The following GALNT1 variants were observed in gnomAD, a reference collection of about 807,000 sequenced individuals.
GALNT1 encodes GalNAc transferase 1.
In GALNT1, 17 loss-of-function variants were observed where a neutral mutation model predicts 65.7. That is an observed-to-expected ratio of 0.26 (90% CI 0.18 to 0.39). The LOEUF (loss-of-function observed/expected upper bound fraction) is 0.39. GALNT1 is among the 10% of genes least tolerant of loss of function. GALNT1 has a pLI of 1.00. For missense variants in GALNT1, 460 were observed against 672.8 expected, an observed-to-expected ratio of 0.68 and a Z score of 3.50; for synonymous variants, 210 against 219.7, an observed-to-expected ratio of 0.96 and a Z score of 0.39.
chr18:35,583,559 A>G (rs199515424), intron 1 of GALNT1, among the ~76,000 whole-genome samples: 3 of 152,192 alleles, frequency 2.0e-5, no homozygotes, highest in African/African-American at 7.2e-5. Flanking sequence ...CTGGTAAGCA[A>G]TAAGCACTTG....
At chr18:35,643,297 G>A (rs902466191) in intron 1 of GALNT1, among the ~76,000 whole-genome samples, 1 of 152,086 alleles carries the variant, frequency 6.6e-6, no homozygotes, top group East Asian at 1.9e-4. Flanking sequence ...GGTGGGAAGA[G>A]GGGTTAGAAA....
intron 2 of GALNT1, among the ~76,000 whole-genome samples, chr18:35,658,485 T>G (rs1378664620): frequency 6.6e-6 from 1 of 152,112 alleles, no homozygotes; most frequent in African/African-American, 2.4e-5. Flanking sequence ...AGCAACAGTT[T>G]GAAAAATCTG....
intron 1 of GALNT1, among the ~76,000 whole-genome samples, chr18:35,591,222 G>A (rs1016116520): frequency 6.6e-6 from 1 of 152,184 alleles, no homozygotes; most frequent in African/African-American, 2.4e-5. Flanking sequence ...TGTGGCAGGA[G>A]CTTTTCACTG....
rs1461013463 is a variant in GALNT1 at position 35,677,646 on chromosome 18, T to C, written c.370T>C (p.Phe124Leu). ...NLPTTSVVIV[F>L]HNEAWSTLLR... The stretch of plus-strand genomic sequence containing the variant: ...TCCTACAACAAGTGTGGTGATTGTT[T>C]TCCACAATGAGGCTTGGAGCACACT... Residue 124 changes from phenylalanine (F) to leucine (L), a missense_variant, in exon 4 of 12, where the codon TTC becomes CTC. Coordinates refer to ENST00000269195, the MANE Select transcript of GALNT1 (RefSeq NM_020474.4). 1.2e-6 allele frequency: 2 copies of C among 1,613,272 alleles called. No homozygotes were observed. The highest frequency in any genetic ancestry group is 1.7e-6 in the Non-Finnish European group (2 of 1,179,368).
intron 1 of GALNT1, among the ~76,000 whole-genome samples, chr18:35,584,157 C>T (rs2046354383): frequency 6.6e-6 from 1 of 152,186 alleles, no homozygotes; most frequent in Non-Finnish European, 1.5e-5. Flanking sequence ...TTGAGGAATA[C>T]TGTCCTGGCT....
chr18:35,613,156 C>T (rs915667552), intron 1 of GALNT1, among the ~76,000 whole-genome samples: 2 of 152,122 alleles, frequency 1.3e-5, no homozygotes, highest in African/African-American at 4.8e-5. Flanking sequence ...TCCTACTCTG[C>T]TCCTACAGAA....
chr18:35,593,772 G>C (rs1307800309), intron 1 of GALNT1, among the ~76,000 whole-genome samples: 1 of 151,930 alleles, frequency 6.6e-6, no homozygotes, highest in Non-Finnish European at 1.5e-5. Flanking sequence ...ACAGTGGCGC[G>C]ATCTGGGCTC....
At chr18:35,694,566 A>G (rs76501748) in intron 9 of GALNT1, among the ~76,000 whole-genome samples, 2,588 of 152,352 alleles carry the variant, frequency 0.017, 40 homozygotes, top group African/African-American at 0.032. Context: ...TTATCCAGCA[A>G]TTCCACCTCA....
chr18:35,638,247 C>T (rs989109581), intron 1 of GALNT1, among the ~76,000 whole-genome samples: 4 of 152,126 alleles, frequency 2.6e-5, no homozygotes, highest in African/African-American at 7.2e-5. Flanking sequence ...CCCGACCAAG[C>T]GATGGATGAA....
At chr18:35,648,540 C>T (rs2047267186) in intron 1 of GALNT1, among the ~76,000 whole-genome samples, 1 of 152,142 alleles carries the variant, frequency 6.6e-6, no homozygotes, top group South Asian at 2.1e-4. Flanking sequence ...AATTTTATAA[C>T]TTTAAAAATA....
chr18:35,622,360 T>C (rs2046864042), intron 1 of GALNT1, among the ~76,000 whole-genome samples: 1 of 152,164 alleles, frequency 6.6e-6, no homozygotes, highest in East Asian at 1.9e-4. Flanking sequence ...CAAGCAATTT[T>C]CTCACCTCAA....
intron 1 of GALNT1, among the ~76,000 whole-genome samples, chr18:35,582,634 T>C (rs2046336321): frequency 6.6e-6 from 1 of 152,224 alleles, no homozygotes; most frequent in Non-Finnish European, 1.5e-5. Context: ...CTTTCTGAAC[T>C]GTTTCTGGAG....
chr18:35,689,640 C>CA (rs1486317521), intron 7 of GALNT1, among the ~76,000 whole-genome samples: 1 of 140,676 alleles, frequency 7.1e-6, no homozygotes, highest in South Asian at 2.1e-4. Flanking sequence ...CACATTTAAA[C>CA]ATAAATTTCA....
intron 1 of GALNT1, among the ~76,000 whole-genome samples, chr18:35,637,765 G>A (rs779874659): frequency 1.3e-5 from 2 of 152,118 alleles, no homozygotes; most frequent in African/African-American, 4.8e-5. Context: ...ACTTTCATAG[G>A]TAGAGAGAAG....
intron 1 of GALNT1, among the ~76,000 whole-genome samples, chr18:35,636,055 G>C (rs373286350): frequency 6.6e-6 from 1 of 151,972 alleles, no homozygotes; most frequent in East Asian, 1.9e-4. Context: ...ATCAATCTTT[G>C]CCGCTTTATT....
chr18:35,616,516 G>T (rs1330040014), intron 1 of GALNT1, among the ~76,000 whole-genome samples: 1 of 151,908 alleles, frequency 6.6e-6, no homozygotes, highest in Admixed American at 6.6e-5. Context: ...GACACTGGGT[G>T]TTTTTTTTAT....
intron 1 of GALNT1, among the ~76,000 whole-genome samples, chr18:35,627,698 A>G (rs1469973490): frequency 6.6e-6 from 1 of 152,158 alleles, no homozygotes; most frequent in Non-Finnish European, 1.5e-5. Context: ...TACCGGGTTC[A>G]TATCACTGGG....
chr18:35,652,460 C>T lies in GALNT1; in HGVS notation c.-103-2100C>T, dbSNP rs563905385. Among the ~76,000 whole-genome samples the T allele has an allele frequency of 3.9e-5, 6 of 152,120 alleles. 1 individual carries two copies. The highest frequency in any genetic ancestry group is 1.5e-5 in the Non-Finnish European group (1 of 68,024). On this transcript the variant is annotated intron_variant, in intron 1 of 11. Coordinates refer to ENST00000269195, the MANE Select transcript of GALNT1 (RefSeq NM_020474.4). Reference sequence around the variant, plus strand: ...TCTCTGCCATTTTCATCGGCCACATCGTCCCCTCTGCCAACCCCAGCTGCT... The same window carrying T: ...TCTCTGCCATTTTCATCGGCCACATTGTCCCCTCTGCCAACCCCAGCTGCT...
At chr18:35,702,101 G>C (rs541532435) in intron 9 of GALNT1, among the ~76,000 whole-genome samples, 2 of 152,096 alleles carry the variant, frequency 1.3e-5, no homozygotes, top group African/African-American at 4.8e-5. Context: ...GGGAATATTG[G>C]AATAATATGC....
Sources: gnomAD v4.1 joint callset for allele counts (sites outside exome capture counted in the v4.1 genomes callset) on GRCh38, gnomAD v4.1.1 for gene constraint, MANE v1.5 for transcripts, NCBI Gene and HGNC (gene_info 2026-07-23, HGNC 2026-07-21) for gene names.